PLEKHG1: variants seen among roughly 807,000 people sequenced by gnomAD.
PLEKHG1 encodes pleckstrin homology domain-containing family G member 1.
A neutral mutation model predicts 100.8 loss-of-function variants in PLEKHG1; 44 were observed. The ratio of observed to expected loss-of-function variants is 0.44; its 90% confidence interval spans 0.34 to 0.56. The LOEUF (loss-of-function observed/expected upper bound fraction) is 0.56. Ranked by LOEUF, PLEKHG1 falls within the 20% of genes least tolerant of loss-of-function variation. The pLI is 0.01. For synonymous variants in PLEKHG1, 640 were observed against 662.5 expected (o/e 0.97, Z 0.52); for missense variants, 1,545 against 1,720.9 (o/e 0.90, Z 1.81).
rs1014966371 is a variant in PLEKHG1, at chr6:150,607,544, G to C, written c.-204+7527G>C. Among the ~76,000 whole-genome samples, 6 of 152,182 alleles carry C rather than the reference G, an allele frequency of 3.9e-5. No individual in the cohort carries two copies. In the East Asian group the frequency reaches 1.2e-3, roughly 29 times the overall value. On this transcript the variant is annotated intron_variant, in intron 1 of 3. Transcript: ENST00000367326. ...TATGGTTGTTCTGAAACAGCTTACA[G>C]TTTCAGTATTCAGATGTCTCCCACT...
chr6:150,811,549 G>A (rs1376156258), intron 10 of PLEKHG1, among the ~76,000 whole-genome samples: 1 of 151,772 alleles, frequency 6.6e-6, no homozygotes, highest in East Asian at 1.9e-4. Flanking sequence ...TGGGATGACA[G>A]GCATGAGCCA....
chr6:150,672,941 T>C (rs948815179), intron 3 of PLEKHG1, among the ~76,000 whole-genome samples: 1 of 152,218 alleles, frequency 6.6e-6, no homozygotes, highest in African/African-American at 2.4e-5. Flanking sequence ...TCAAATTGCA[T>C]ATTCTGGCAA....
chr6:150,823,218 C>T (rs75751354), intron 13 of PLEKHG1, among the ~76,000 whole-genome samples: 2,894 of 152,258 alleles, frequency 0.019, 97 homozygotes, highest in African/African-American at 0.065. Context: ...CCCACAATTC[C>T]ACTGGCAACA....
chr6:150,727,443 A>G (rs1782013893), intron 1 of PLEKHG1, among the ~76,000 whole-genome samples: 1 of 152,194 alleles, frequency 6.6e-6, no homozygotes, highest in South Asian at 2.1e-4. Flanking sequence ...AAAAGAGAGC[A>G]ATTAAAATAA....
intron 2 of PLEKHG1, among the ~76,000 whole-genome samples, chr6:150,648,502 T>C (rs77079682): frequency 2.6e-5 from 4 of 152,256 alleles, no homozygotes; most frequent in Non-Finnish European, 5.9e-5. Flanking sequence ...TTGTGACCTA[T>C]TGATAGGGCA....
chr6:150,814,644 T>TTAAACCCA (rs144915491), intron 10 of PLEKHG1, among the ~76,000 whole-genome samples: 15,384 of 152,214 alleles, frequency 0.1, 885 homozygotes, highest in East Asian at 0.18. Context: ...AAGCCTGGAT[T>TTAAACCCA]GGTCTATCTG....
rs922157731 is a variant in PLEKHG1 at position 150,712,667 on chromosome 6, C to T, written c.-98-20917C>T. On this transcript the variant is annotated intron_variant, in intron 3 of 3. Coordinates refer to the PLEKHG1 transcript ENST00000367326. ...TTGTTCTGTTAACATAAACAAGTTA[C>T]TTCATGTACCTCTGTGGGAACTGGG... Among the ~76,000 whole-genome samples, 5 of 152,296 alleles carry T rather than the reference C, an allele frequency of 3.3e-5. 1 individual carries two copies. The South Asian group carries it at 1.0e-3, about 32-fold the overall frequency.
chr6:150,734,980 ATTTTTTTTT>A (rs397888221), intron 2 of PLEKHG1, among the ~76,000 whole-genome samples: 1 of 102,908 alleles, frequency 9.7e-6, no homozygotes, highest in African/African-American at 3.7e-5. Context: ...TCAAGGGCAG[ATTTTTTTTT>A]TTTTTTTTTT....
rs111537934 is a variant in PLEKHG1 at position 150,774,061 on chromosome 6, C to G, written c.512+5323C>G. On this transcript the variant is annotated intron_variant, in intron 3 of 15. Coordinates refer to ENST00000358517, the Ensembl canonical transcript of PLEKHG1. ...TTTTATATGTCAATACTGTAACAAA[C>G]TTTCTCAACTTTCCTGTTCTAAGAG... is the stretch of plus-strand genomic sequence containing the variant. Among the ~76,000 whole-genome samples the G allele has an allele frequency of 2.3e-3, 357 of 152,326 alleles. 4 individuals are homozygous for G. Among genetic ancestry groups the G allele is most frequent in the African/African-American group, 8.2e-3 (342 of 41,588 alleles).
At chr6:150,733,911 A>G in exon 2 of PLEKHG1, 1 of 1,614,218 alleles carries the variant, frequency 6.2e-7, no homozygotes. Flanking sequence ...ACGGGGCAAC[A>G]GAACGCGGAT....
At chr6:150,681,676 G>T (rs1779938748) in intron 3 of PLEKHG1, among the ~76,000 whole-genome samples, 1 of 152,020 alleles carries the variant, frequency 6.6e-6, no homozygotes, top group Non-Finnish European at 1.5e-5. Context: ...GGAGTAGTCA[G>T]CTTTGCACAG....
At position 150,831,817 on chromosome 6, in the gene PLEKHG1, C is replaced by T. The variant is rs755217024; in HGVS notation, c.2706C>T (p.Pro902=). ...CTGAGAGCCAGGCTCTCCTCACGCC[C>T]GTGAAGAGCAGGGCTGGCAGAGCCA... Residue 902 remains proline, a synonymous_variant, in exon 15 of 16, where the codon CCC becomes CCT. Coordinates refer to ENST00000358517, the Ensembl canonical transcript of PLEKHG1. The surrounding 1 kb of genome is among the most constrained non-coding windows in gnomAD (Gnocchi z 4.1). 2.4e-5 allele frequency: 38 copies of T among 1,612,104 alleles called. No individual in the cohort carries two copies. The highest frequency in any genetic ancestry group is 2.2e-4 in the South Asian group (20 of 91,022).
At chr6:150,709,116 A>G (rs1781146737) in intron 3 of PLEKHG1, among the ~76,000 whole-genome samples, 1 of 152,128 alleles carries the variant, frequency 6.6e-6, no homozygotes, top group South Asian at 2.1e-4. Context: ...GACGGAACAC[A>G]AGGTCAGGAG....
At chr6:150,607,428 G>A (rs778700486) in intron 1 of PLEKHG1, among the ~76,000 whole-genome samples, 2 of 152,162 alleles carry the variant, frequency 1.3e-5, no homozygotes, top group Non-Finnish European at 2.9e-5. Flanking sequence ...ATAAATATAC[G>A]ATCCTGTGTG....
intron 4 of PLEKHG1, 45 bp downstream of exon 5, chr6:150,786,504 G>A (rs1301449956): frequency 1.6e-5 from 20 of 1,250,384 alleles, no homozygotes; most frequent in East Asian, 9.4e-5. Context: ...CAGATACAGA[G>A]TACAGAATTT....
chr6:150,830,282 G>A (rs1776843900), intron 14 of PLEKHG1, among the ~76,000 whole-genome samples: 1 of 152,154 alleles, frequency 6.6e-6, no homozygotes, highest in Non-Finnish European at 1.5e-5. Flanking sequence ...GTATATATTA[G>A]TTCCTGTCCT....
intron 5 of PLEKHG1, among the ~76,000 whole-genome samples, chr6:150,799,682 T>C (rs1786573919): frequency 6.6e-6 from 1 of 152,188 alleles, no homozygotes; most frequent in African/African-American, 2.4e-5. Context: ...TCAGTGTGAA[T>C]AGATATTTCT....
At chr6:150,838,632 C>T (rs559467669) in intron 15 of PLEKHG1, among the ~76,000 whole-genome samples, 33 of 151,964 alleles carry the variant, frequency 2.2e-4, no homozygotes, top group Non-Finnish European at 4.4e-4. Flanking sequence ...TTTTGCTAGC[C>T]GAAGAGAATC....
rs760780823 is a variant in PLEKHG1 at position 150,831,336 on chromosome 6, A to G, written c.2225A>G (p.Tyr742Cys). Reference sequence around the variant, plus strand: ...CTCCAAGCGGTTGAGGAGAACATCTATGACACCATAGGGCTCCCAGATCCT... The same window carrying G: ...CTCCAAGCGGTTGAGGAGAACATCTGTGACACCATAGGGCTCCCAGATCCT... Residue 742 changes from tyrosine (Y) to cysteine (C), a missense_variant, in exon 15 of 16, where the codon TAT becomes TGT. By Grantham distance (194) the Tyr-to-Cys change is radical (BLOSUM62 -2). Transcript: ENST00000358517. The surrounding 1 kb of genome is among the most constrained non-coding windows in gnomAD (Gnocchi z 4.1). 9 of 1,614,154 alleles carry G rather than the reference A, an allele frequency of 5.6e-6. No homozygotes were observed. The East Asian group carries it at 6.7e-5, about 12-fold the overall frequency.
Sources: gnomAD v4.1 joint callset for allele counts (sites outside exome capture counted in the v4.1 genomes callset) on GRCh38, gnomAD v4.1.1 for gene constraint, Gnocchi (gnomAD v3.1) non-coding constraint, MANE v1.5 for transcripts, NCBI Gene and HGNC (gene_info 2026-07-23, HGNC 2026-07-21) for gene names.